LRRC36: variants seen among roughly 807,000 people sequenced by gnomAD.
LRRC36 encodes the protein leucine rich repeat containing 36, also known as leucine-rich repeat-containing protein 36.
Under a neutral mutation model 81.1 loss-of-function variants are expected in LRRC36, and 62 were observed. The observed-to-expected ratio is 0.76, with a 90% CI of 0.62 to 0.94. The LOEUF (loss-of-function observed/expected upper bound fraction) is 0.94, where lower values mean the gene tolerates loss of function less well. Ranked by LOEUF, LRRC36 falls within the 40% of genes least tolerant of loss-of-function variation. The pLI is 0.00. For missense variants in LRRC36, 761 were observed against 881.7 expected (o/e 0.86, Z 1.73); for synonymous variants, 334 against 348.6 (o/e 0.96, Z 0.47).
chr16:67,334,019 T>C (rs781548334), intron 1 of LRRC36, among the ~76,000 whole-genome samples: 3 of 152,086 alleles, frequency 2.0e-5, no homozygotes, highest in Non-Finnish European at 4.4e-5. Flanking sequence ...TCCACCATTA[T>C]TATTATTATT....
At chr16:67,381,401 T>C (rs2040105733) in intron 12 of LRRC36, among the ~76,000 whole-genome samples, 1 of 152,192 alleles carries the variant, frequency 6.6e-6, no homozygotes, top group Non-Finnish European at 1.5e-5. Flanking sequence ...AATTGAGTTA[T>C]TACTGTGTGC....
intron 5 of LRRC36, among the ~76,000 whole-genome samples, chr16:67,360,362 A>G (rs78160400): frequency 6.6e-6 from 1 of 152,260 alleles, no homozygotes; most frequent in East Asian, 1.9e-4. Context: ...AAGAAAAGGA[A>G]CCTGTGAATC....
At chr16:67,362,774 T>C (rs763140174) in intron 5 of LRRC36, among the ~76,000 whole-genome samples, 1 of 151,634 alleles carries the variant, frequency 6.6e-6, no homozygotes, top group Non-Finnish European at 1.5e-5. Context: ...GTTTTTGTTG[T>C]TGTTGTTGTT....
chr16:67,336,489 T>C (rs949771465), intron 1 of LRRC36, among the ~76,000 whole-genome samples: 1 of 152,212 alleles, frequency 6.6e-6, no homozygotes, highest in Non-Finnish European at 1.5e-5. Context: ...TTTAGCATTG[T>C]GAAAGTTTTA....
intron 8 of LRRC36, among the ~76,000 whole-genome samples, 198 bp downstream of exon 8, chr16:67,367,655 G>A (rs2039462445): frequency 6.6e-6 from 1 of 152,190 alleles, no homozygotes; most frequent in South Asian, 2.1e-4. Context: ...GGGAAAATTT[G>A]TAGGAAAGTG....
At chr16:67,327,021 T>TA (rs1567459021) in intron 1 of LRRC36, 89 bp downstream of exon 1, 1 of 1,219,508 alleles carries the variant, frequency 8.2e-7, no homozygotes, top group African/African-American at 1.8e-5. Flanking sequence ...GAACCTGAGA[T>TA]AGAGGCGAGG....
At chr16:67,326,970 G>T in intron 1 of LRRC36, 38 bp downstream of exon 1, 1 of 1,480,374 alleles carries the variant, frequency 6.8e-7, no homozygotes, top group East Asian at 2.9e-5. Context: ...TGGGAACGTA[G>T]GGTCAGAAGC....
chr16:67,344,746 AAAC>A (rs1315157654), intron 2 of LRRC36, among the ~76,000 whole-genome samples: 2 of 152,332 alleles, frequency 1.3e-5, no homozygotes, highest in East Asian at 1.9e-4. Context: ...GAATTGGAGA[AAAC>A]AACAACAACA....
chr16:67,375,455 T>G, intron 10 of LRRC36, 43 bp downstream of exon 10: 1 of 1,516,178 alleles, frequency 6.6e-7, no homozygotes, highest in Non-Finnish European at 8.8e-7. Context: ...AGTTGGACTT[T>G]TCCTCTGCTC....
chr16:67,349,822 G>A (rs1253640673), intron 4 of LRRC36, among the ~76,000 whole-genome samples: 4 of 151,698 alleles, frequency 2.6e-5, no homozygotes, highest in South Asian at 2.1e-4. Flanking sequence ...GTACAGTGGC[G>A]TGATCTCAGC....
At chr16:67,384,464 T>C (rs964574210) in intron 13 of LRRC36, among the ~76,000 whole-genome samples, 21 of 151,680 alleles carry the variant, frequency 1.4e-4, no homozygotes, top group Admixed American at 1.1e-3. Flanking sequence ...TAATACAGAG[T>C]TCAATGCAGC....
intron 1 of LRRC36, among the ~76,000 whole-genome samples, chr16:67,328,632 A>T (rs12918859): frequency 6.6e-6 from 1 of 152,200 alleles, no homozygotes; most frequent in South Asian, 2.1e-4. Context: ...AGTATCTTGG[A>T]TAGTTTTCCA....
chr16:67,335,789 G>C (rs1019626092), intron 1 of LRRC36, among the ~76,000 whole-genome samples: 4 of 151,474 alleles, frequency 2.6e-5, no homozygotes, highest in Non-Finnish European at 5.9e-5. Context: ...CTGGAATGCA[G>C]TGGCACGATC....
Position 67,346,422 on chromosome 16 carries a change from A to G in LRRC36, c.365A>G (p.Tyr122Cys), listed in dbSNP as rs1382010439. 1.3e-6 allele frequency: 2 copies of G among 1,599,640 alleles called. No homozygotes were observed. The highest frequency in any genetic ancestry group is 1.7e-5 in the Admixed American group (1 of 59,390). The stretch of plus-strand genomic sequence containing the variant: ...ACAGATTATAGGCTCTTTGCTGTAT[A>G]TACACTACAAACTCTGGAGAAATTA... ...KDTDYRLFAV[Y>C]TLQTLEKLDD... The change falls in exon 3 of 14, where the codon TAT becomes TGT. Residue 122 changes from tyrosine (Y) to cysteine (C), a missense_variant. Coordinates refer to ENST00000329956, the MANE Select transcript of LRRC36 (RefSeq NM_018296.6).
intron 1 of LRRC36, among the ~76,000 whole-genome samples, chr16:67,332,042 TATAA>T (rs2037520434): frequency 6.6e-6 from 1 of 152,122 alleles, no homozygotes; most frequent in Non-Finnish European, 1.5e-5. Flanking sequence ...TCATTGTCAT[TATAA>T]ATAAGCTTTG....
At chr16:67,369,800 C>T in intron 8 of LRRC36, among the ~76,000 whole-genome samples, 1 of 152,178 alleles carries the variant, frequency 6.6e-6, no homozygotes, top group East Asian at 1.9e-4. Context: ...TCACCAAGAA[C>T]AGCATGGGAA....
chr16:67,333,255 C>A, intron 1 of LRRC36, among the ~76,000 whole-genome samples: 1 of 152,136 alleles, frequency 6.6e-6, no homozygotes, highest in Non-Finnish European at 1.5e-5. Flanking sequence ...CCTCAGCATC[C>A]TGAGTAGGTG....
chr16:67,350,994 C>T lies in LRRC36; in HGVS notation c.577+704C>T, dbSNP rs137923419. 3.4e-3 allele frequency among the ~76,000 whole-genome samples: 525 copies of T among 152,184 alleles called. 1 individual carries two copies. The highest frequency in any genetic ancestry group is 0.011 in the African/African-American group (469 of 41,534). On this transcript the variant is annotated intron_variant, in intron 5 of 13. Transcript: ENST00000329956. ...CAGAGGTTGTGGTGAGCCGAGATCA[C>T]GCCATTGCACTCCAGCCTAGGCAAC...
intron 4 of LRRC36, among the ~76,000 whole-genome samples, chr16:67,349,475 C>A (rs1047713098): frequency 6.6e-6 from 1 of 152,160 alleles, no homozygotes; most frequent in South Asian, 2.1e-4. Flanking sequence ...ATCTACCTGC[C>A]TTTCTTGTCT....
Sources: gnomAD v4.1 joint callset for allele counts (sites outside exome capture counted in the v4.1 genomes callset) on GRCh38, gnomAD v4.1.1 for gene constraint, MANE v1.5 for transcripts, NCBI Gene and HGNC (gene_info 2026-07-23, HGNC 2026-07-21) for gene names.